ENOX2: variants seen among roughly 807,000 people sequenced by gnomAD.
ENOX2 encodes ecto-NOX disulfide-thiol exchanger 2, also known as APK1 antigen.
ENOX2 carries 36 observed loss-of-function variants against 45.0 expected under a neutral mutation model. The observed-to-expected ratio is 0.80, with a 90% CI of 0.61 to 1.06. ENOX2 has a LOEUF of 1.06. Ranked by LOEUF, ENOX2 falls within the 50% of genes least tolerant of loss-of-function variation. ENOX2 has a pLI of 0.00. For synonymous variants in ENOX2, 174 were observed against 152.3 expected (o/e 1.14, Z -1.05); for missense variants, 423 against 462.5 (o/e 0.91, Z 0.78).
At chrX:130,821,475 G>A (rs2077596770) in intron 2 of ENOX2, among the ~76,000 whole-genome samples, 1 of 80,659 alleles carries the variant, frequency 1.2e-5, no homozygotes, top group Admixed American at 1.6e-4. Flanking sequence ...CTCACTCATA[G>A]GTGGGAATTG....
intron 4 of ENOX2, among the ~76,000 whole-genome samples, chrX:130,693,447 G>A (rs1453730503): frequency 8.9e-6 from 1 of 111,825 alleles, no homozygotes; most frequent in Non-Finnish European, 1.9e-5. Flanking sequence ...GAGGTTCAAG[G>A]GGGGTTTAGT....
At chrX:130,802,765 T>C (rs2077240121) in intron 2 of ENOX2, among the ~76,000 whole-genome samples, 1 of 111,888 alleles carries the variant, frequency 8.9e-6, no homozygotes, top group Admixed American at 9.5e-5. Context: ...GTTTGTACTA[T>C]TGCCTAGTTA....
chrX:130,862,954 T>A (rs772259263), intron 2 of ENOX2, among the ~76,000 whole-genome samples: 1 of 111,731 alleles, frequency 9.0e-6, no homozygotes, highest in Non-Finnish European at 1.9e-5. Flanking sequence ...AAAGCAATTA[T>A]CTACATTTCC....
At chrX:130,778,978 C>T (rs940022733) in intron 3 of ENOX2, among the ~76,000 whole-genome samples, 4 of 112,416 alleles carry the variant, frequency 3.6e-5, no homozygotes, top group African/African-American at 9.7e-5. Flanking sequence ...ACAATGCATT[C>T]GATTTTAGTC....
At chrX:130,880,585 G>A (rs919642914) in intron 2 of ENOX2, among the ~76,000 whole-genome samples, 10 of 112,221 alleles carry the variant, frequency 8.9e-5, no homozygotes, top group African/African-American at 2.9e-4. Flanking sequence ...ATTTACTCGC[G>A]GAAGAAATGG....
chrX:130,764,868 A>G (rs983156057), intron 3 of ENOX2, among the ~76,000 whole-genome samples: 2 of 112,068 alleles, frequency 1.8e-5, no homozygotes, highest in African/African-American at 6.5e-5. Flanking sequence ...TAGTGGATTT[A>G]TAAAAGGTTG....
intron 4 of ENOX2, among the ~76,000 whole-genome samples, chrX:130,695,579 A>G (rs1219750450): frequency 8.9e-6 from 1 of 111,857 alleles, no homozygotes; most frequent in Non-Finnish European, 1.9e-5. Flanking sequence ...TACTCACAGT[A>G]AAACCACTGA....
At chrX:130,679,185 C>T (rs1029456445) in intron 6 of ENOX2, among the ~76,000 whole-genome samples, 5 of 110,877 alleles carry the variant, frequency 4.5e-5, no homozygotes, top group Admixed American at 9.6e-5. Flanking sequence ...CAGGGTGACT[C>T]TAGTCAGAGG....
chrX:130,820,069 C>G (rs1043452851), intron 2 of ENOX2, among the ~76,000 whole-genome samples: 1 of 112,005 alleles, frequency 8.9e-6, no homozygotes, highest in Non-Finnish European at 1.9e-5. Flanking sequence ...AACCATTTAT[C>G]TGATAAGGAA....
chrX:130,795,594 A>C (rs1350490400), intron 2 of ENOX2, among the ~76,000 whole-genome samples: 4 of 111,948 alleles, frequency 3.6e-5, no homozygotes, highest in Non-Finnish European at 5.6e-5. Context: ...TTAGGATTTA[A>C]TATGATAGTT....
intron 6 of ENOX2, among the ~76,000 whole-genome samples, chrX:130,671,730 GATC>G (rs1404197252): frequency 1.8e-5 from 2 of 111,638 alleles, no homozygotes; most frequent in Admixed American, 1.9e-4. Flanking sequence ...GGTACTGGGT[GATC>G]AGAAGGGTTC....
At chrX:130,673,574 A>G (rs911462598) in intron 6 of ENOX2, among the ~76,000 whole-genome samples, 41 of 110,265 alleles carry the variant, frequency 3.7e-4, no homozygotes, top group African/African-American at 1.4e-3. Flanking sequence ...CAAGCAGAAG[A>G]AAGAATTTCA....
chrX:130,760,273 T>TTCA (rs2039450602), intron 3 of ENOX2, among the ~76,000 whole-genome samples: 1 of 111,740 alleles, frequency 8.9e-6, no homozygotes, highest in Non-Finnish European at 1.9e-5. Flanking sequence ...TAAGGACATT[T>TTCA]TCACTTTTCT....
At chrX:130,890,990 G>A (rs925936201) in intron 2 of ENOX2, among the ~76,000 whole-genome samples, 1 of 112,055 alleles carries the variant, frequency 8.9e-6, no homozygotes, top group African/African-American at 3.2e-5. Flanking sequence ...TAATCTGCAG[G>A]AGGCAGAGAG....
intron 2 of ENOX2, among the ~76,000 whole-genome samples, chrX:130,784,386 G>A (rs2148398060): frequency 9.0e-6 from 1 of 110,996 alleles, no homozygotes; most frequent in East Asian, 2.8e-4. Context: ...TTCAATCAGG[G>A]GCAAGCAGAG....
chrX:130,735,854 A>C (rs1219087442), intron 3 of ENOX2, among the ~76,000 whole-genome samples: 1 of 111,666 alleles, frequency 9.0e-6, no homozygotes, highest in African/African-American at 3.3e-5. Flanking sequence ...TAATAGGTGA[A>C]AAAAATCAGG....
intron 2 of ENOX2, among the ~76,000 whole-genome samples, chrX:130,858,865 A>G (rs1052221883): frequency 8.9e-5 from 10 of 112,392 alleles, no homozygotes; most frequent in Non-Finnish European, 1.9e-4. Flanking sequence ...AGAAAAATTT[A>G]TAACCCTCTA....
At position 130,650,628 on chromosome X, in the gene ENOX2, T is replaced by A. The variant is rs149083197; in HGVS notation, c.1129+5953A>T. ...TCAGTCCTGATACTAAAGAGCATAG[T>A]ACAGTGAATGTATTCATATCCTGCC... On this transcript the variant is annotated intron_variant, in intron 10 of 14. Transcript: ENST00000394363. 3.9e-3 allele frequency among the ~76,000 whole-genome samples: 443 copies of A among 112,334 alleles called. 2 individuals carry two copies. The highest frequency in any genetic ancestry group is 0.014 in the African/African-American group (429 of 30,955).
chrX:130,713,160 C>T (rs893185228), intron 3 of ENOX2, among the ~76,000 whole-genome samples: 4 of 112,147 alleles, frequency 3.6e-5, no homozygotes, highest in Non-Finnish European at 7.5e-5. Context: ...TATATACCAT[C>T]ACTAAGAATG....
Sources: allele counts gnomAD v4.1 joint callset (sites outside exome capture counted in the v4.1 genomes callset), GRCh38; gene constraint gnomAD v4.1.1; transcripts MANE v1.5; gene names NCBI Gene and HGNC (gene_info 2026-07-23, HGNC 2026-07-21).